The following PPP6R3 variants were observed in gnomAD, a reference collection of about 807,000 sequenced individuals.
The protein encoded by PPP6R3 is protein phosphatase 6 regulatory subunit 3, also known as serine/threonine-protein phosphatase 6 regulatory subunit 3.
In PPP6R3, 38 loss-of-function variants were observed where a neutral mutation model predicts 110.7. The observed-to-expected ratio is 0.34, with a 90% CI of 0.26 to 0.45. The LOEUF is 0.45. Ranked by LOEUF, PPP6R3 falls within the 20% of genes least tolerant of loss-of-function variation. PPP6R3 has a pLI of 1.00. For synonymous variants in PPP6R3, 369 were observed against 373.5 expected (o/e 0.99, Z 0.14); for missense variants, 870 against 1,062.4 (o/e 0.82, Z 2.52).
intron 2 of PPP6R3, among the ~76,000 whole-genome samples, chr11:68,523,091 C>G (rs1402657774): frequency 6.6e-6 from 1 of 152,178 alleles, no homozygotes; most frequent in African/African-American, 2.4e-5. Context: ...ATGGATAGCT[C>G]CTTCCCTCCT....
At chr11:68,516,747 T>C (rs139727046) in intron 1 of PPP6R3, among the ~76,000 whole-genome samples, 1 of 152,348 alleles carries the variant, frequency 6.6e-6, no homozygotes, top group East Asian at 1.9e-4. Context: ...TAATTCTATT[T>C]TTAATTTTTT....
intron 1 of PPP6R3, among the ~76,000 whole-genome samples, chr11:68,492,474 A>G (rs1396694933): frequency 1.3e-5 from 2 of 152,176 alleles, no homozygotes; most frequent in African/African-American, 2.4e-5. Context: ...GCTGAGTTAT[A>G]TTTCATTTTA....
At chr11:68,475,677 G>T (rs71464349) in intron 1 of PPP6R3, among the ~76,000 whole-genome samples, 74,663 of 138,456 alleles carry the variant, frequency 0.54, 21,533 homozygotes, top group South Asian at 0.75. Flanking sequence ...GGCCGGGCGG[G>T]GGCTGCCCCC....
chr11:68,589,124 A>G (rs1160633313), intron 16 of PPP6R3, among the ~76,000 whole-genome samples: 6 of 152,026 alleles, frequency 3.9e-5, no homozygotes, highest in Non-Finnish European at 7.4e-5. Context: ...TGGGAGAATC[A>G]CTTGAACTTG....
chr11:68,516,899 C>A (rs1352815420), intron 1 of PPP6R3, among the ~76,000 whole-genome samples: 1 of 151,860 alleles, frequency 6.6e-6, no homozygotes, highest in Non-Finnish European at 1.5e-5. Flanking sequence ...TAGTAGCCAT[C>A]CTAATGGATG....
At position 68,565,646 on chromosome 11, in the gene PPP6R3, T is replaced by C. The variant is rs2282564; in HGVS notation, c.975+1214T>C. Among the ~76,000 whole-genome samples the C allele has an allele frequency of 0.012, 1,807 of 152,126 alleles. 92 individuals carry two copies. In the East Asian group the frequency reaches 0.17, roughly 15 times the overall value. ...TGTCTTAGGTGGCCCACCCATCTTC[T>C]TTCTGGGTGGACAAACAGGTGGCAT... is the stretch of plus-strand genomic sequence containing the variant. On this transcript the variant is annotated intron_variant, in intron 9 of 23. Coordinates refer to ENST00000393800, the MANE Select transcript of PPP6R3 (RefSeq NM_001164161.2).
chr11:68,547,821 A>T (rs998376652), intron 4 of PPP6R3, among the ~76,000 whole-genome samples: 2 of 151,958 alleles, frequency 1.3e-5, no homozygotes, highest in African/African-American at 2.4e-5. Context: ...GAAATAAAAG[A>T]TTCTGTTAAG....
chr11:68,552,601 G>A (rs1167006787), intron 6 of PPP6R3, among the ~76,000 whole-genome samples: 2 of 152,314 alleles, frequency 1.3e-5, no homozygotes, highest in Non-Finnish European at 1.5e-5. Context: ...GGGGTGATAA[G>A]CCCTCCTCCT....
At chr11:68,542,356 G>A (rs555727290) in intron 3 of PPP6R3, among the ~76,000 whole-genome samples, 2 of 137,762 alleles carry the variant, frequency 1.5e-5, no homozygotes, top group East Asian at 2.2e-4. Context: ...CGAGGGTGGA[G>A]TGGAGGCATC....
Position 68,603,391 on chromosome 11 carries a change from A to C in PPP6R3, c.2349A>C (p.Ala783=), listed in dbSNP as rs2099637859. The C allele has an allele frequency of 1.2e-6, 2 of 1,613,968 alleles. No individual in the cohort carries two copies. The highest frequency in any genetic ancestry group is 1.7e-6 in the Non-Finnish European group (2 of 1,180,048). ...MEASSDGEED[A]ESTDKVTETV... is the part of the protein sequence containing the mutation. ...CCAGCTCTGACGGAGAGGAGGATGC[A>C]GAAAGTACAGACAAGGTAACTGAGA... Residue 783 remains alanine, a synonymous_variant, in exon 22 of 24, where the codon GCA becomes GCC. Coordinates refer to ENST00000393800, the MANE Select transcript of PPP6R3 (RefSeq NM_001164161.2).
At chr11:68,591,898 C>T (rs1455270472) in intron 18 of PPP6R3, among the ~76,000 whole-genome samples, 192 bp downstream of exon 18, 1 of 152,168 alleles carries the variant, frequency 6.6e-6, no homozygotes, top group Non-Finnish European at 1.5e-5. Context: ...CTGGGAAATG[C>T]TGCAGGTGTT....
intron 7 of PPP6R3, among the ~76,000 whole-genome samples, chr11:68,557,407 C>G (rs1461482373): frequency 1.3e-5 from 2 of 152,252 alleles, no homozygotes; most frequent in Admixed American, 6.5e-5. Context: ...GTACAGTACA[C>G]TGAACACAGC....
At chr11:68,471,179 G>A (rs945246522) in intron 1 of PPP6R3, among the ~76,000 whole-genome samples, 1 of 151,330 alleles carries the variant, frequency 6.6e-6, no homozygotes, top group Admixed American at 6.6e-5. Context: ...AGCTACTCTG[G>A]AAGCTGAGGC....
chr11:68,479,649 TAA>T (rs2098887173), intron 1 of PPP6R3, among the ~76,000 whole-genome samples: 1 of 152,228 alleles, frequency 6.6e-6, no homozygotes, highest in Non-Finnish European at 1.5e-5. Flanking sequence ...TTTCATTTTT[TAA>T]AGTCTTTTTT....
chr11:68,500,717 C>T (rs1321028607), intron 1 of PPP6R3, among the ~76,000 whole-genome samples: 1 of 152,210 alleles, frequency 6.6e-6, no homozygotes, highest in East Asian at 1.9e-4. Context: ...ACCTCGTGAT[C>T]TGCCTGCCTT....
In PPP6R3 at chr11:68,614,271, T is replaced by G; in HGVS notation, c.*1154T>G. 9.7e-7 allele frequency: 1 copy of G among 1,034,688 alleles called. No individual in the cohort carries two copies. The highest frequency in any genetic ancestry group is 1.2e-6 in the Non-Finnish European group (1 of 860,070). 64.1% of individuals were successfully genotyped at this position (1,034,688 alleles called of 1,614,324 possible). A position where few individuals can be genotyped will look rare whatever the true frequency, so the allele number is the denominator to read the frequency against. ...TATATATAGTGATTATGGATACTAATTCAATGTAATTTATAATTTTCTATG... is the reference window on the plus strand; with the variant it reads ...TATATATAGTGATTATGGATACTAAGTCAATGTAATTTATAATTTTCTATG... On this transcript the variant is annotated 3_prime_UTR_variant, in exon 24 of 24. Coordinates refer to ENST00000393800, the MANE Select transcript of PPP6R3 (RefSeq NM_001164161.2).
chr11:68,600,002 A>C (rs967389796), intron 19 of PPP6R3, among the ~76,000 whole-genome samples: 2 of 152,188 alleles, frequency 1.3e-5, no homozygotes, highest in South Asian at 2.1e-4. Flanking sequence ...GGTGCCAGTA[A>C]TCCCAGCTAC....
intron 2 of PPP6R3, among the ~76,000 whole-genome samples, chr11:68,520,149 A>G (rs2099156980): frequency 6.6e-6 from 1 of 152,186 alleles, no homozygotes; most frequent in Admixed American, 6.5e-5. Flanking sequence ...CTCAGTTGGC[A>G]TTTACTAGGA....
rs770377200 is a variant in PPP6R3 at position 68,614,990 on chromosome 11, A to C, written c.*1873A>C. The C allele has an allele frequency of 5.9e-5, 33 of 557,490 alleles. No individual in the cohort carries two copies. Among genetic ancestry groups the C allele is most frequent in the South Asian group, 5.0e-4 (33 of 65,386 alleles). The allele number at this position is 557,490 out of a possible 1,614,324, so 34.5% of individuals were successfully genotyped here. On this transcript the variant is annotated 3_prime_UTR_variant, in exon 24 of 24. Coordinates refer to ENST00000393800, the MANE Select transcript of PPP6R3 (RefSeq NM_001164161.2). The stretch of plus-strand genomic sequence containing the variant: ...ATGGACCTGGTGGCTTCTCCATCCC[A>C]CTGTGGCCTCTGTGGTATGGACCTG...
Sources: gnomAD v4.1 joint callset for allele counts (sites outside exome capture counted in the v4.1 genomes callset) on GRCh38, gnomAD v4.1.1 for gene constraint, MANE v1.5 for transcripts, NCBI Gene and HGNC (gene_info 2026-07-23, HGNC 2026-07-21) for gene names.